Variants in UBAP2 observed in about 807,000 individuals in gnomAD.
UBAP2 encodes the protein ubiquitin associated protein 2, also known as ubiquitin-associated protein 2.
Under a neutral mutation model 139.6 loss-of-function variants are expected in UBAP2, and 75 were observed. The observed-to-expected ratio is 0.54, with a 90% CI of 0.45 to 0.65. UBAP2 has a LOEUF of 0.65. Ranked by LOEUF, UBAP2 falls within the 30% of genes least tolerant of loss-of-function variation. The pLI, the probability that UBAP2 is intolerant of heterozygous loss-of-function variation, is 0.00. For missense variants in UBAP2, 1,368 were observed against 1,369.6 expected (o/e 1.00, Z 0.02); for synonymous variants, 526 against 526.2 (o/e 1.00, Z 0.01).
intron 2 of UBAP2, among the ~76,000 whole-genome samples, chr9:33,999,323 T>C (rs1346027886): frequency 6.9e-6 from 1 of 145,438 alleles, no homozygotes; most frequent in Non-Finnish European, 1.5e-5. Flanking sequence ...TTTAAAAAGA[T>C]TAAAAAAAAA....
At chr9:34,011,760 A>C (rs2131253580) in intron 2 of UBAP2, 1 of 489,278 alleles carries the variant, frequency 2.0e-6, no homozygotes, top group Middle Eastern at 3.9e-4. Context: ...AGTGACATAC[A>C]CTAGGTCACA....
At chr9:34,017,242 G>T in intron 1 of UBAP2, 53 bp from the exon 2 acceptor site, 1 of 762,722 alleles carries the variant, frequency 1.3e-6, no homozygotes, top group Non-Finnish European at 2.0e-6. Context: ...AGATAAGCAT[G>T]TACTTCAGAG....
At chr9:33,951,536 GGGGTTTTACCACATT>G (rs1587550153) in intron 12 of UBAP2, among the ~76,000 whole-genome samples, 1 of 151,446 alleles carries the variant, frequency 6.6e-6, no homozygotes, top group East Asian at 2.0e-4. Flanking sequence ...TAGTAGAGAT[GGGGTTTTACCACATT>G]GGCCAGGCTG....
chr9:34,048,016 G>C (rs980236748), intron 1 of UBAP2, among the ~76,000 whole-genome samples: 1 of 152,140 alleles, frequency 6.6e-6, no homozygotes, highest in African/African-American at 2.4e-5. Flanking sequence ...CCCCTAAAGC[G>C]AGCAAGCATT....
intron 6 of UBAP2, among the ~76,000 whole-genome samples, chr9:33,979,804 G>T (rs944146723): frequency 6.6e-6 from 1 of 152,082 alleles, no homozygotes. Flanking sequence ...GGAGGCGGAG[G>T]TTGCAGTGAG....
chr9:33,926,990 G>A lies in UBAP2; in HGVS notation c.2462C>T (p.Pro821Leu), dbSNP rs770268145. 6.2e-6 allele frequency: 10 copies of A among 1,613,718 alleles called. No homozygotes were observed. The highest frequency in any genetic ancestry group is 4.5e-5 in the East Asian group (2 of 44,872). The change falls in exon 21 of 29, where the codon CCG (proline) becomes CTG (leucine). Residue 821 changes from proline (P) to leucine (L), a missense_variant and splice_region_variant. Transcript: ENST00000379238. Reference protein sequence around the residue: ...VGPGGLLPAYPIYGYDELQML... With the variant: ...VGPGGLLPAYLIYGYDELQML... ...CCAGGAGTTCCGCCATACACTCACC[G>A]GGTAGGCAGGAAGCAGTCCTCCGGG... is the stretch of plus-strand genomic sequence containing the variant.
chr9:33,995,227 C>T (rs1423461739), intron 4 of UBAP2: 1 of 151,230 alleles, frequency 6.6e-6, no homozygotes, highest in African/African-American at 2.4e-5. Flanking sequence ...CGTGGTGGCG[C>T]ATGCCTGTAG....
intron 10 of UBAP2, among the ~76,000 whole-genome samples, chr9:33,957,048 C>A (rs565435893): frequency 6.6e-6 from 1 of 151,142 alleles, no homozygotes; most frequent in South Asian, 2.1e-4. Flanking sequence ...ATGATCACAC[C>A]ACTGCACTCC....
At chr9:33,926,768 C>T (rs576102949) in intron 21 of UBAP2, 104 bp from the exon 22 acceptor site, 39 of 1,237,498 alleles carry the variant, frequency 3.2e-5, no homozygotes, top group Middle Eastern at 1.9e-4. Context: ...CTAACACACC[C>T]GGGAATGGGA....
At chr9:34,029,663 T>C (rs1825719533) in intron 1 of UBAP2, among the ~76,000 whole-genome samples, 2 of 149,974 alleles carry the variant, frequency 1.3e-5, no homozygotes, top group South Asian at 4.2e-4. Flanking sequence ...TAGCAAGACC[T>C]TGTCTCTATT....
At chr9:33,950,779 C>CACAGT (rs1826029942) in intron 12 of UBAP2, among the ~76,000 whole-genome samples, 1 of 152,200 alleles carries the variant, frequency 6.6e-6, no homozygotes, top group African/African-American at 2.4e-5. Context: ...TACAACACAG[C>CACAGT]GAAATCACTG....
rs1336354304 is a variant in UBAP2 at position 33,943,478 on chromosome 9, C to G, written c.1657G>C (p.Ala553Pro). 6 of 1,614,034 alleles carry G rather than the reference C, an allele frequency of 3.7e-6. No homozygotes were observed. In the East Asian group the frequency reaches 8.9e-5, roughly 24 times the overall value. The stretch of plus-strand genomic sequence containing the variant: ...TGATTACTATTTTCACTGCTTGGAG[C>G]TGATCCAAATTCAGAGAGAGAAGGT... ...SEPSLSEFGS[A>P]PSSENSNQIP... Residue 553 changes from alanine to proline, a missense_variant, in exon 15 of 29, where the codon GCT becomes CCT. Ala to Pro is a conservative substitution (Grantham distance 27). Coordinates refer to ENST00000379238, the MANE Select transcript of UBAP2 (RefSeq NM_001370062.2).
At chr9:33,999,847 T>C (rs945742366) in intron 2 of UBAP2, among the ~76,000 whole-genome samples, 11 of 150,062 alleles carry the variant, frequency 7.3e-5, no homozygotes, top group African/African-American at 2.7e-4. Context: ...GTAGCTGGGA[T>C]TACTACGTAT....
intron 15 of UBAP2, among the ~76,000 whole-genome samples, chr9:33,942,209 G>A (rs1259832743): frequency 6.6e-6 from 1 of 152,144 alleles, no homozygotes; most frequent in African/African-American, 2.4e-5. Flanking sequence ...CCACTCTGGA[G>A]GCTGAGAAAG....
intron 8 of UBAP2, among the ~76,000 whole-genome samples, chr9:33,970,802 G>A (rs1465361738): frequency 1.3e-5 from 2 of 151,376 alleles, no homozygotes; most frequent in Non-Finnish European, 2.9e-5. Context: ...TCTGTTTTTC[G>A]TTTTTGTTGT....
chr9:34,033,321 A>G (rs997392875), intron 1 of UBAP2, among the ~76,000 whole-genome samples: 4 of 152,190 alleles, frequency 2.6e-5, no homozygotes, highest in Non-Finnish European at 4.4e-5. Context: ...CAACGTGGAT[A>G]GAACCGGAGA....
intron 1 of UBAP2, among the ~76,000 whole-genome samples, chr9:34,017,739 A>C (rs1824499997): frequency 6.6e-6 from 1 of 152,152 alleles, no homozygotes; most frequent in Non-Finnish European, 1.5e-5. Context: ...ATGCTGGCTA[A>C]CACAATGAAA....
intron 1 of UBAP2, among the ~76,000 whole-genome samples, chr9:34,017,967 G>A (rs1037368041): frequency 2.6e-5 from 4 of 151,292 alleles, no homozygotes; most frequent in African/African-American, 9.7e-5. Flanking sequence ...TCTTTGATTT[G>A]TTGAACAAAC....
At chr9:34,048,475 T>C (rs1367891601) in intron 1 of UBAP2, among the ~76,000 whole-genome samples, 1 of 151,944 alleles carries the variant, frequency 6.6e-6, no homozygotes, top group Non-Finnish European at 1.5e-5. Flanking sequence ...GAAGCTCCAG[T>C]CTACTGGCAG....
Sources: gnomAD v4.1 joint callset for allele counts (sites outside exome capture counted in the v4.1 genomes callset) on GRCh38, gnomAD v4.1.1 for gene constraint, MANE v1.5 for transcripts, NCBI Gene and HGNC (gene_info 2026-07-23, HGNC 2026-07-21) for gene names.